KIF21A: variants seen among roughly 807,000 people sequenced by gnomAD.
KIF21A encodes the protein kinesin-like protein KIF21A.
In KIF21A, 114 loss-of-function variants were observed where a neutral mutation model predicts 202.9. That is an observed-to-expected ratio of 0.56 (90% CI 0.48 to 0.66). The LOEUF (loss-of-function observed/expected upper bound fraction) is 0.66. Ranked by LOEUF, KIF21A falls within the 30% of genes least tolerant of loss-of-function variation. The pLI, the probability that KIF21A is intolerant of heterozygous loss-of-function variation, is 0.00. For synonymous variants in KIF21A, 667 were observed against 670.8 expected (o/e 0.99, Z 0.09); for missense variants, 1,677 against 1,994.9 (o/e 0.84, Z 3.04).
intron 1 of KIF21A, among the ~76,000 whole-genome samples, chr12:39,377,665 G>A (rs1192788691): frequency 2.0e-5 from 3 of 152,142 alleles, no homozygotes; most frequent in African/African-American, 4.8e-5. Context: ...ACAATGATGG[G>A]TGATGAGAAG....
chr12:39,423,688 A>G (rs1954501262), intron 1 of KIF21A, among the ~76,000 whole-genome samples: 1 of 152,076 alleles, frequency 6.6e-6, no homozygotes, highest in Admixed American at 6.6e-5. Context: ...GTCTCTACTA[A>G]AAATACAAAA....
At chr12:39,355,223 T>C (rs1948674397) in intron 10 of KIF21A, among the ~76,000 whole-genome samples, 2 of 152,162 alleles carry the variant, frequency 1.3e-5, no homozygotes, top group African/African-American at 2.4e-5. Flanking sequence ...TAGTCTTAAC[T>C]CAAGACTTTG....
intron 11 of KIF21A, among the ~76,000 whole-genome samples, chr12:39,350,693 T>A (rs1481255413): frequency 6.6e-6 from 1 of 151,992 alleles, no homozygotes; most frequent in East Asian, 1.9e-4. Flanking sequence ...CATTAATATC[T>A]CAAGAGTGCA....
intron 1 of KIF21A, among the ~76,000 whole-genome samples, chr12:39,375,122 T>C (rs1950189264): frequency 6.6e-6 from 1 of 152,176 alleles, no homozygotes; most frequent in South Asian, 2.1e-4. Flanking sequence ...GGCCCTGCCT[T>C]CTGTTCTTTG....
chr12:39,420,131 A>G (rs1000191710), intron 1 of KIF21A, among the ~76,000 whole-genome samples: 1 of 151,584 alleles, frequency 6.6e-6, no homozygotes, highest in Admixed American at 6.6e-5. Flanking sequence ...AGCAAGCTGC[A>G]CTTTTGCTGT....
At chr12:39,428,399 CT>C (rs1954925102) in intron 1 of KIF21A, among the ~76,000 whole-genome samples, 1 of 152,170 alleles carries the variant, frequency 6.6e-6, no homozygotes, top group African/African-American at 2.4e-5. Context: ...CTCTCAGAAA[CT>C]TGTTTTTCAA....
chr12:39,384,146 G>C (rs1950792595), intron 1 of KIF21A, among the ~76,000 whole-genome samples: 1 of 152,032 alleles, frequency 6.6e-6, no homozygotes, highest in African/African-American at 2.4e-5. Flanking sequence ...GGATTTTTGA[G>C]GAAAAGGAAA....
At chr12:39,420,673 C>A (rs1303457568) in intron 1 of KIF21A, among the ~76,000 whole-genome samples, 1 of 151,734 alleles carries the variant, frequency 6.6e-6, no homozygotes, top group African/African-American at 2.4e-5. Flanking sequence ...AAAAGAAGAG[C>A]AAATTGGATG....
At chr12:39,330,013 G>T in intron 24 of KIF21A, 1 of 439,688 alleles carries the variant, frequency 2.3e-6, no homozygotes, top group South Asian at 4.0e-5. Context: ...TAATAAAAGA[G>T]ACAACTAACA....
intron 33 of KIF21A, among the ~76,000 whole-genome samples, chr12:39,309,051 G>C (rs973787986): frequency 6.6e-6 from 1 of 152,076 alleles, no homozygotes; most frequent in Non-Finnish European, 1.5e-5. Flanking sequence ...ACAATAATGA[G>C]CACAGAAAAA....
At chr12:39,422,576 G>A (rs1954388833) in intron 1 of KIF21A, among the ~76,000 whole-genome samples, 1 of 152,102 alleles carries the variant, frequency 6.6e-6, no homozygotes, top group Admixed American at 6.5e-5. Context: ...TCCTCTCAGT[G>A]GTGTCATGGG....
intron 1 of KIF21A, among the ~76,000 whole-genome samples, chr12:39,402,544 C>A (rs1392051990): frequency 2.6e-5 from 4 of 151,978 alleles, no homozygotes; most frequent in Non-Finnish European, 4.4e-5. Flanking sequence ...ATTATACATA[C>A]CTATACAAAT....
At chr12:39,417,378 T>TATATATATATTTC (rs1953851676) in intron 1 of KIF21A, among the ~76,000 whole-genome samples, 1 of 152,168 alleles carries the variant, frequency 6.6e-6, no homozygotes, top group Non-Finnish European at 1.5e-5. Context: ...TTTTCCAATA[T>TATATATATATTTC]CAATGATACT....
intron 1 of KIF21A, among the ~76,000 whole-genome samples, chr12:39,373,778 C>T (rs1266961132): frequency 6.6e-6 from 1 of 152,176 alleles, no homozygotes; most frequent in Non-Finnish European, 1.5e-5. Context: ...CTCAGAATGT[C>T]TTTAACTTAT....
At chr12:39,389,460 T>G (rs559201666) in intron 1 of KIF21A, among the ~76,000 whole-genome samples, 10 of 152,320 alleles carry the variant, frequency 6.6e-5, no homozygotes, top group Admixed American at 6.5e-4. Flanking sequence ...CATGGTGAAC[T>G]TGCCAGATGC....
At chr12:39,295,172 C>CGA (rs1942176717) in intron 37 of KIF21A, among the ~76,000 whole-genome samples, 1 of 152,196 alleles carries the variant, frequency 6.6e-6, no homozygotes, top group African/African-American at 2.4e-5. Flanking sequence ...AAAAGCGATT[C>CGA]TGATGCCCTG....
intron 7 of KIF21A, among the ~76,000 whole-genome samples, chr12:39,362,218 T>A (rs1949291160): frequency 6.6e-6 from 1 of 152,176 alleles, no homozygotes; most frequent in Non-Finnish European, 1.5e-5. Context: ...CAATTAAACC[T>A]CTTTTCTGTA....
At chr12:39,326,771 A>G (rs1945973005) in intron 24 of KIF21A, among the ~76,000 whole-genome samples, 1 of 152,232 alleles carries the variant, frequency 6.6e-6, no homozygotes, top group South Asian at 2.1e-4. Flanking sequence ...AGTTATGCCA[A>G]TGTACTTGAA....
At chr12:39,341,146 A>T in intron 14 of KIF21A, 52 bp from the exon 15 acceptor site, 8 of 1,329,202 alleles carry the variant, frequency 6.0e-6, no homozygotes, top group Non-Finnish European at 8.5e-6. Flanking sequence ...AAAATATCAG[A>T]ATTCTAGCTT....
Sources: allele counts gnomAD v4.1 joint callset (sites outside exome capture counted in the v4.1 genomes callset), GRCh38; gene constraint gnomAD v4.1.1; transcripts MANE v1.5; gene names NCBI Gene and HGNC (gene_info 2026-07-23, HGNC 2026-07-21).